The following COL19A1 variants were observed in gnomAD, a reference collection of about 807,000 sequenced individuals.
COL19A1 encodes the protein collagen type XIX alpha 1 chain.
Under a neutral mutation model 190.2 loss-of-function variants are expected in COL19A1, and 159 were observed. That is an observed-to-expected ratio of 0.84 (90% confidence interval 0.73 to 0.95). The LOEUF (loss-of-function observed/expected upper bound fraction) is 0.95. COL19A1 is among the 40% of genes least tolerant of loss of function. The pLI, the probability that COL19A1 is intolerant of heterozygous loss-of-function variation, is 0.00. For missense variants in COL19A1, 1,418 were observed against 1,431.9 expected, an observed-to-expected ratio of 0.99 and a Z score of 0.16; for synonymous variants, 509 against 458.9, an observed-to-expected ratio of 1.11 and a Z score of -1.39.
chr6:70,159,103 C>T (rs1165487378), intron 34 of COL19A1, among the ~76,000 whole-genome samples: 1 of 151,078 alleles, frequency 6.6e-6, no homozygotes, highest in African/African-American at 2.4e-5. Flanking sequence ...TCTAAAAACT[C>T]ACTCAACATC....
At chr6:70,050,599 C>G (rs1196088762) in intron 14 of COL19A1, among the ~76,000 whole-genome samples, 1 of 152,010 alleles carries the variant, frequency 6.6e-6, no homozygotes, top group Non-Finnish European at 1.5e-5. Flanking sequence ...AAATATCACC[C>G]AATCCTACAG....
chr6:69,985,677 C>G (rs1310785125), intron 11 of COL19A1, among the ~76,000 whole-genome samples: 3 of 152,116 alleles, frequency 2.0e-5, no homozygotes, highest in Non-Finnish European at 4.4e-5. Context: ...ATTTCTTTGT[C>G]TAAAAAACTG....
intron 14 of COL19A1, among the ~76,000 whole-genome samples, chr6:70,065,077 T>C (rs1473859088): frequency 2.0e-5 from 3 of 152,166 alleles, no homozygotes; most frequent in East Asian, 1.9e-4. Context: ...AAGCTACCAA[T>C]GAGTTTCTTC....
At chr6:70,099,542 C>CAA (rs1407062386) in intron 15 of COL19A1, among the ~76,000 whole-genome samples, 4 of 137,472 alleles carry the variant, frequency 2.9e-5, no homozygotes, top group African/African-American at 1.1e-4. Flanking sequence ...GCAAATATTC[C>CAA]AAAACAAAAA....
intron 1 of COL19A1, among the ~76,000 whole-genome samples, chr6:69,868,369 A>G (rs560703136): frequency 6.6e-6 from 1 of 152,136 alleles, no homozygotes; most frequent in African/African-American, 2.4e-5. Flanking sequence ...ACATGCATAA[A>G]TGCCCCTTCC....
At chr6:69,883,350 G>C (rs1402874006) in intron 2 of COL19A1, among the ~76,000 whole-genome samples, 1 of 152,210 alleles carries the variant, frequency 6.6e-6, no homozygotes, top group Admixed American at 6.5e-5. Flanking sequence ...CCTGTCCTAT[G>C]AGACCTCTTG....
intron 18 of COL19A1, among the ~76,000 whole-genome samples, chr6:70,134,839 C>A (rs1444882381): frequency 6.6e-6 from 1 of 152,180 alleles, no homozygotes; most frequent in African/African-American, 2.4e-5. Flanking sequence ...TTGCAACAGA[C>A]ACCAGCTGAT....
At chr6:69,970,901 T>C (rs532924196) in intron 11 of COL19A1, among the ~76,000 whole-genome samples, 1 of 152,162 alleles carries the variant, frequency 6.6e-6, no homozygotes, top group East Asian at 1.9e-4. Context: ...CCAATGATAA[T>C]TGGTATGGGA....
chr6:69,913,261 G>A (rs1771079291), intron 4 of COL19A1, among the ~76,000 whole-genome samples: 2 of 152,054 alleles, frequency 1.3e-5, no homozygotes, highest in South Asian at 4.1e-4. Flanking sequence ...TCTACCTTCA[G>A]CTTTGATGCC....
chr6:70,087,133 A>G (rs1364953967), intron 15 of COL19A1, among the ~76,000 whole-genome samples: 3 of 152,198 alleles, frequency 2.0e-5, no homozygotes, highest in African/African-American at 7.2e-5. Context: ...TTTACTTTAA[A>G]TATTTCTTAC....
At chr6:70,053,906 T>A (rs1780353096) in intron 14 of COL19A1, among the ~76,000 whole-genome samples, 1 of 152,236 alleles carries the variant, frequency 6.6e-6, no homozygotes, top group South Asian at 2.1e-4. Flanking sequence ...ACAGATTTTA[T>A]GAATGAAGAA....
At chr6:70,122,514 T>C (rs1382557025) in intron 17 of COL19A1, among the ~76,000 whole-genome samples, 1 of 152,140 alleles carries the variant, frequency 6.6e-6, no homozygotes, top group Non-Finnish European at 1.5e-5. Context: ...AGGAGCATAA[T>C]AGAGTGGCAG....
At chr6:70,061,214 T>C (rs1780810931) in intron 14 of COL19A1, among the ~76,000 whole-genome samples, 2 of 152,202 alleles carry the variant, frequency 1.3e-5, no homozygotes, top group South Asian at 4.1e-4. Context: ...TGTGTTTTAC[T>C]AATGATAATA....
chr6:70,144,398 G>A, intron 24 of COL19A1, 135 bp downstream of exon 24: 2 of 701,196 alleles, frequency 2.9e-6, no homozygotes, highest in Admixed American at 2.9e-5. Context: ...AATGTAAATG[G>A]CACCCCCTAG....
chr6:70,148,155 T>G (rs944807175), intron 27 of COL19A1, among the ~76,000 whole-genome samples: 8 of 151,876 alleles, frequency 5.3e-5, no homozygotes, highest in African/African-American at 1.9e-4. Context: ...TCAGCAAGAT[T>G]GATAATTAAC....
chr6:70,145,086 A>T, intron 25 of COL19A1, 79 bp downstream of exon 25: 1 of 1,037,512 alleles, frequency 9.6e-7, no homozygotes, highest in Non-Finnish European at 1.5e-6. Flanking sequence ...TTCAGATCAC[A>T]AGTATGGGAA....
intron 15 of COL19A1, among the ~76,000 whole-genome samples, chr6:70,090,005 C>T (rs1290816491): frequency 6.6e-6 from 1 of 151,516 alleles, no homozygotes; most frequent in African/African-American, 2.4e-5. Context: ...ATAGAGACAC[C>T]CATCTCTACA....
chr6:69,985,741 T>C (rs1776276728), intron 11 of COL19A1, among the ~76,000 whole-genome samples: 1 of 152,184 alleles, frequency 6.6e-6, no homozygotes, highest in Non-Finnish European at 1.5e-5. Flanking sequence ...CCTGAGAGTC[T>C]TTGAAAGTTT....
intron 1 of COL19A1, chr6:69,867,503 G>GCAGCCA (rs892148974): frequency 2.6e-5 from 4 of 152,332 alleles, no homozygotes; most frequent in African/African-American, 9.7e-5. Context: ...CGCCGGCGCC[G>GCAGCCA]CAGCCACAGC....
Sources: allele counts gnomAD v4.1 joint callset (sites outside exome capture counted in the v4.1 genomes callset), GRCh38; gene constraint gnomAD v4.1.1; transcripts MANE v1.5; gene names NCBI Gene and HGNC (gene_info 2026-07-23, HGNC 2026-07-21).